WDR44: variants seen among roughly 807,000 people sequenced by gnomAD.
The protein encoded by WDR44 is WD repeat domain 44, also known as WD repeat-containing protein 44.
In WDR44, 9 loss-of-function variants were observed where a neutral mutation model predicts 65.7. The observed-to-expected ratio is 0.14, with a 90% CI of 0.08 to 0.24. The LOEUF (loss-of-function observed/expected upper bound fraction) is 0.24, where lower values mean the gene tolerates loss of function less well. Among genes scored for constraint, WDR44 ranks in the 10% least tolerant of loss-of-function variants. The pLI is 1.00. For synonymous variants in WDR44, 220 were observed against 235.2 expected, an observed-to-expected ratio of 0.94 and a Z score of 0.59; for missense variants, 425 against 670.9, an observed-to-expected ratio of 0.63 and a Z score of 4.05.
rs190249615 is a variant in WDR44, at chrX:118,369,933, G to T, written c.78-8486G>T. 2.7e-5 allele frequency among the ~76,000 whole-genome samples: 3 copies of T among 112,209 alleles called. No homozygotes were observed. In the East Asian group the frequency reaches 8.4e-4, roughly 31 times the overall value. ...ATCTGTAAGCCATGTGGGTTTTTTA[G>T]TAGAATATCAGTACTTATTTGAATC... On this transcript the variant is annotated intron_variant, in intron 1 of 19. Coordinates refer to ENST00000254029, the MANE Select transcript of WDR44 (RefSeq NM_019045.5).
chrX:118,399,748 AG>A (rs2056895710), intron 8 of WDR44, among the ~76,000 whole-genome samples: 1 of 111,754 alleles, frequency 8.9e-6, no homozygotes, highest in African/African-American at 3.3e-5. Flanking sequence ...ACAACATGTA[AG>A]TTGACACATA....
At chrX:118,367,148 G>A (rs1013762964) in intron 1 of WDR44, among the ~76,000 whole-genome samples, 5 of 112,008 alleles carry the variant, frequency 4.5e-5, no homozygotes, top group African/African-American at 1.6e-4. Flanking sequence ...CAGAGGGGTG[G>A]AAGAGGAGTA....
intron 17 of WDR44, among the ~76,000 whole-genome samples, 186 bp downstream of exon 17, chrX:118,442,866 C>T (rs1167894244): frequency 8.9e-6 from 1 of 111,863 alleles, no homozygotes; most frequent in Non-Finnish European, 1.9e-5. Context: ...CCCTGTTCTG[C>T]AAATGAAGAA....
rs2056780989 is a variant in WDR44 at position 118,387,406 on chromosome X, T to C, written c.178T>C (p.Ser60Pro). 2 of 1,183,768 alleles carry C rather than the reference T, an allele frequency of 1.7e-6. No homozygotes were observed. The highest frequency in any genetic ancestry group is 3.6e-5 in the African/African-American group (2 of 56,162). ...TGTACAAGAATTGAAACAAGATGTG[T>C]CTAAAAAGGTTGGAAAGATACAATG... Reference protein sequence around the residue: ...SPVQELKQDVSKKIIESIIEE... With the variant: ...SPVQELKQDVPKKIIESIIEE... The change falls in exon 3 of 20, where the codon TCT (serine) becomes CCT (proline). Residue 60 changes from serine to proline, a missense_variant. By Grantham distance (74) the Ser-to-Pro change is moderately conservative. Coordinates refer to ENST00000254029, the MANE Select transcript of WDR44 (RefSeq NM_019045.5).
At chrX:118,357,885 C>T (rs1305681543) in intron 1 of WDR44, among the ~76,000 whole-genome samples, 1 of 109,780 alleles carries the variant, frequency 9.1e-6, no homozygotes, top group Non-Finnish European at 1.9e-5. Context: ...ACTCTTAAAA[C>T]ACACACAGCT....
At chrX:118,415,685 G>T (rs1031196180) in intron 12 of WDR44, among the ~76,000 whole-genome samples, 1 of 111,315 alleles carries the variant, frequency 9.0e-6, no homozygotes, top group African/African-American at 3.3e-5. Flanking sequence ...TGTATTTTTA[G>T]TAGAGACGAG....
intron 7 of WDR44, 41 bp from the exon 8 acceptor site, chrX:118,398,346 G>C: frequency 8.9e-7 from 1 of 1,125,929 alleles, no homozygotes; most frequent in Non-Finnish European, 1.2e-6. Flanking sequence ...AAGAAGTATA[G>C]AAGAAATGGC....
intron 1 of WDR44, among the ~76,000 whole-genome samples, chrX:118,352,815 G>A (rs1602850983): frequency 1.8e-5 from 2 of 110,643 alleles, no homozygotes; most frequent in Middle Eastern, 9.3e-3. Context: ...TGATGGAGGT[G>A]GAAGAGGTAA....
At chrX:118,365,797 T>C (rs753757436) in intron 1 of WDR44, among the ~76,000 whole-genome samples, 1 of 112,224 alleles carries the variant, frequency 8.9e-6, no homozygotes, top group Admixed American at 9.4e-5. Context: ...TGACTCTTAA[T>C]GAGTATCTTT....
At position 118,442,133 on chromosome X, in the gene WDR44, T is replaced by C. The variant is rs2057309408; in HGVS notation, c.2167-111T>C. ...TGTTGCTCACTACAGCCTCGAACTC[T>C]TGGGCTCAAGCAGTCCTCCTGCCTC... On this transcript the variant is annotated intron_variant, in intron 15 of 19. Coordinates refer to ENST00000254029, the MANE Select transcript of WDR44 (RefSeq NM_019045.5). 4 of 599,951 alleles carry C rather than the reference T, an allele frequency of 6.7e-6. No individual in the cohort carries two copies. The East Asian group carries it at 1.4e-4, about 20-fold the overall frequency. The allele number at this position is 599,951 out of a possible 1,213,427, so 49.4% of individuals were successfully genotyped here. A position where few individuals can be genotyped will look rare whatever the true frequency, so the allele number is the denominator to read the frequency against.
At chrX:118,415,458 C>G (rs911036756) in intron 12 of WDR44, among the ~76,000 whole-genome samples, 1 of 111,705 alleles carries the variant, frequency 9.0e-6, no homozygotes, top group Non-Finnish European at 1.9e-5. Flanking sequence ...AGAATTGTTA[C>G]CAATTCTTCT....
In WDR44 at chrX:118,448,844, T is replaced by A. The variant is rs1040150930; in HGVS notation, c.2648-49T>A. The A allele has an allele frequency of 5.4e-6, 5 of 930,565 alleles. No individual in the cohort carries two copies. The African/African-American group carries it at 9.9e-5, about 18-fold the overall frequency. 76.7% of individuals were successfully genotyped at this position (930,565 alleles called of 1,213,427 possible). A position where few individuals can be genotyped will look rare whatever the true frequency, so the allele number is the denominator to read the frequency against. ...GCATGTGATAATTGTGGCAGCAGGC[T>A]TCATATTCCTTTAAAAATCAACTTA... On this transcript the variant is annotated intron_variant, in intron 19 of 19. Transcript: ENST00000254029.
At chrX:118,402,465 A>G (rs956884128) in intron 8 of WDR44, among the ~76,000 whole-genome samples, 1 of 91,664 alleles carries the variant, frequency 1.1e-5, no homozygotes, top group African/African-American at 4.4e-5. Flanking sequence ...AAAAACATTC[A>G]GGATGGGTGC....
At chrX:118,418,727 G>C (rs893641011) in intron 12 of WDR44, among the ~76,000 whole-genome samples, 4 of 110,722 alleles carry the variant, frequency 3.6e-5, no homozygotes, top group Non-Finnish European at 7.6e-5. Context: ...AAATGGTGGT[G>C]GGTGGGGCCC....
intron 8 of WDR44, among the ~76,000 whole-genome samples, chrX:118,403,047 T>C (rs1398687462): frequency 8.9e-6 from 1 of 111,945 alleles, no homozygotes; most frequent in African/African-American, 3.2e-5. Flanking sequence ...AATAAGTGGG[T>C]ATCATCTATA....
At chrX:118,431,452 C>T (rs966134631) in intron 12 of WDR44, among the ~76,000 whole-genome samples, 12 of 111,212 alleles carry the variant, frequency 1.1e-4, no homozygotes, top group Non-Finnish European at 2.3e-4. Flanking sequence ...TACAGGCATG[C>T]GCCACCATGC....
In WDR44 at chrX:118,449,589, A is replaced by C; in HGVS notation, c.*602A>C. On this transcript the variant is annotated 3_prime_UTR_variant, in exon 20 of 20. Coordinates refer to ENST00000254029, the MANE Select transcript of WDR44 (RefSeq NM_019045.5). ...TTAAGATTCTTTTCTTTATATGTGT[A>C]CATATAATTTTTTTTTCTTTGCCAC... 9.0e-6 allele frequency: 1 copy of C among 110,972 alleles called. No individual in the cohort carries two copies. The highest frequency in any genetic ancestry group is 1.9e-5 in the Non-Finnish European group (1 of 52,817). 9.1% of individuals were successfully genotyped at this position (110,972 alleles called of 1,213,427 possible). A position where few individuals can be genotyped will look rare whatever the true frequency, so the allele number is the denominator to read the frequency against.
At chrX:118,369,638 T>G (rs1168452646) in intron 1 of WDR44, among the ~76,000 whole-genome samples, 1 of 107,328 alleles carries the variant, frequency 9.3e-6, no homozygotes, top group Non-Finnish European at 1.9e-5. Flanking sequence ...CTGACTAATT[T>G]TTTGTATTTT....
chrX:118,372,122 TATATA>T (rs752586674), intron 1 of WDR44, among the ~76,000 whole-genome samples: 28 of 110,201 alleles, frequency 2.5e-4, no homozygotes, highest in Admixed American at 1.2e-3. Context: ...ATCCGTGTTT[TATATA>T]ATATATTTCA....
Sources: allele counts gnomAD v4.1 joint callset (sites outside exome capture counted in the v4.1 genomes callset), GRCh38; gene constraint gnomAD v4.1.1; transcripts MANE v1.5; gene names NCBI Gene and HGNC (gene_info 2026-07-23, HGNC 2026-07-21).